Variants in DENND5B observed in about 807,000 individuals in gnomAD.
The protein encoded by DENND5B is DENN domain-containing protein 5B.
A neutral mutation model predicts 140.6 loss-of-function variants in DENND5B; 34 were observed. That is an observed-to-expected ratio of 0.24 (90% confidence interval 0.18 to 0.32). The LOEUF (loss-of-function observed/expected upper bound fraction) is 0.32, where lower values mean the gene tolerates loss of function less well. Ranked by LOEUF, DENND5B falls within the 10% of genes least tolerant of loss-of-function variation. DENND5B has a pLI of 1.00. For synonymous variants in DENND5B, 551 were observed against 562.1 expected, an observed-to-expected ratio of 0.98 and a Z score of 0.28; for missense variants, 1,142 against 1,560.2, an observed-to-expected ratio of 0.73 and a Z score of 4.52.
intron 3 of DENND5B, among the ~76,000 whole-genome samples, chr12:31,477,273 A>G (rs1055884649): frequency 3.3e-5 from 5 of 152,152 alleles, no homozygotes; most frequent in Non-Finnish European, 5.9e-5. Context: ...AAAACACCAT[A>G]AGGTATTAAG....
At chr12:31,511,066 T>C (rs1013718312) in intron 1 of DENND5B, among the ~76,000 whole-genome samples, 5 of 152,044 alleles carry the variant, frequency 3.3e-5, no homozygotes. Context: ...ACCCCATCTC[T>C]GCAAAAAAAT....
intron 15 of DENND5B, among the ~76,000 whole-genome samples, chr12:31,401,796 AT>A (rs922909923): frequency 6.6e-6 from 1 of 151,858 alleles, no homozygotes; most frequent in Admixed American, 6.6e-5. Context: ...TAATTTTTGT[AT>A]TTTTTGTAGA....
intron 5 of DENND5B, chr12:31,451,714 T>C (rs1476825737): frequency 1.9e-6 from 1 of 522,760 alleles, no homozygotes; most frequent in Non-Finnish European, 3.3e-6. Flanking sequence ...ACCAGTTCAA[T>C]GAGCTGGTTT....
At chr12:31,435,090 G>C (rs1471009237) in intron 7 of DENND5B, among the ~76,000 whole-genome samples, 1 of 151,752 alleles carries the variant, frequency 6.6e-6, no homozygotes, top group Non-Finnish European at 1.5e-5. Context: ...CTCCTTACCT[G>C]CCCACCAGAG....
chr12:31,436,644 C>G (rs1358294561), intron 7 of DENND5B, among the ~76,000 whole-genome samples: 1 of 152,054 alleles, frequency 6.6e-6, no homozygotes, highest in Non-Finnish European at 1.5e-5. Flanking sequence ...AAGCAATTCT[C>G]CTGCCTCAGC....
intron 1 of DENND5B, among the ~76,000 whole-genome samples, chr12:31,548,574 C>A (rs989015113): frequency 6.6e-6 from 1 of 152,098 alleles, no homozygotes; most frequent in Admixed American, 6.5e-5. Flanking sequence ...ATGTTTAGAT[C>A]ATACTCGTTT....
At chr12:31,429,710 G>T (rs1052176276) in intron 8 of DENND5B, among the ~76,000 whole-genome samples, 3 of 151,478 alleles carry the variant, frequency 2.0e-5, no homozygotes, top group African/African-American at 7.3e-5. Context: ...CGCCCTGCCT[G>T]GTTTTTTTTG....
At chr12:31,571,879 G>C (rs914549771) in intron 1 of DENND5B, among the ~76,000 whole-genome samples, 2 of 152,240 alleles carry the variant, frequency 1.3e-5, no homozygotes, top group African/African-American at 4.8e-5. Context: ...AAAGTGCTGG[G>C]ATTACAGGCG....
chr12:31,382,637 A>G lies in DENND5B; in HGVS notation c.*4966T>C, dbSNP rs1183328788. On this transcript the variant is annotated 3_prime_UTR_variant, in exon 21 of 21. Coordinates refer to ENST00000389082, the MANE Select transcript of DENND5B (RefSeq NM_144973.4). ...TTCACACACAAGTACATTCAGGTAA[A>G]TTAGAACAAATATGATTCCCTCCTA... 1 of 152,144 alleles carries G rather than the reference A, an allele frequency of 6.6e-6. No individual in the cohort carries two copies. The highest frequency in any genetic ancestry group is 6.5e-5 in the Admixed American group (1 of 15,270). 9.4% of individuals were successfully genotyped at this position (152,144 alleles called of 1,614,324 possible).
At chr12:31,554,797 C>A (rs1448899408) in intron 1 of DENND5B, among the ~76,000 whole-genome samples, 1 of 152,102 alleles carries the variant, frequency 6.6e-6, no homozygotes, top group African/African-American at 2.4e-5. Flanking sequence ...TCTCGCTTCA[C>A]TTCATTCATT....
At chr12:31,492,476 G>A (rs1317659039) in intron 2 of DENND5B, among the ~76,000 whole-genome samples, 1 of 152,176 alleles carries the variant, frequency 6.6e-6, no homozygotes, top group African/African-American at 2.4e-5. Flanking sequence ...GGGACCACAG[G>A]CATGGTGCCA....
At position 31,452,157 on chromosome 12, in the gene DENND5B, A is replaced by C; in HGVS notation, c.1412T>G (p.Met471Arg). The part of the protein sequence containing the change: ...AKRTGVAVEK[M>R]DLSASLGEKD... ...TTCACCCAGAGAAGCAGAGAGGTCC[A>C]TTTTTTCCACAGCCACACCAGTACG... is the stretch of plus-strand genomic sequence containing the variant. The change falls in exon 5 of 21, where the codon ATG becomes AGG. Residue 471 changes from methionine (M) to arginine (R), a missense_variant. By Grantham distance (91) the Met-to-Arg change is moderately conservative (BLOSUM62 -1). Around this residue, in one of 5 missense-constraint regions of DENND5B, gnomAD observed 708 missense variants for 905.5 expected, o/e 0.78. Transcript: ENST00000389082. 1 of 1,613,938 alleles carries C rather than the reference A, an allele frequency of 6.2e-7. No individual in the cohort carries two copies. The highest frequency in any genetic ancestry group is 1.3e-5 in the African/African-American group (1 of 75,028).
intron 1 of DENND5B, among the ~76,000 whole-genome samples, chr12:31,535,689 GTC>G (rs1948470242): frequency 1.3e-5 from 2 of 152,080 alleles, no homozygotes; most frequent in South Asian, 4.2e-4. Context: ...TAAAAAAAAA[GTC>G]TAGACTGCAA....
At chr12:31,456,855 G>T (rs759118803) in intron 4 of DENND5B, among the ~76,000 whole-genome samples, 4 of 152,166 alleles carry the variant, frequency 2.6e-5, no homozygotes, top group Non-Finnish European at 5.9e-5. Flanking sequence ...AAAGCCAGAG[G>T]ATCGCTTGAG....
chr12:31,451,091 T>C (rs1304193542), intron 5 of DENND5B, among the ~76,000 whole-genome samples: 1 of 152,180 alleles, frequency 6.6e-6, no homozygotes, highest in Non-Finnish European at 1.5e-5. Flanking sequence ...ATAGAGAAAT[T>C]TGGCTTCTGA....
Position 31,387,467 on chromosome 12 carries a change from G to T in DENND5B, c.*136C>A. Reference sequence around the variant, plus strand: ...TACAATACAACATTTTGCCTTGTCTGTAGAGTGAGGATTGTTCCAAATGGG... The same window carrying T: ...TACAATACAACATTTTGCCTTGTCTTTAGAGTGAGGATTGTTCCAAATGGG... On this transcript the variant is annotated 3_prime_UTR_variant, in exon 21 of 21. Transcript: ENST00000389082. The T allele has an allele frequency of 1.2e-6, 1 of 844,726 alleles. No homozygotes were observed. Among genetic ancestry groups the T allele is most frequent in the Non-Finnish European group, 1.8e-6 (1 of 550,474 alleles). 52.3% of individuals were successfully genotyped at this position (844,726 alleles called of 1,614,324 possible). A position where few individuals can be genotyped will look rare whatever the true frequency, so the allele number is the denominator to read the frequency against.
intron 1 of DENND5B, among the ~76,000 whole-genome samples, chr12:31,511,537 CTTT>C (rs59147620): frequency 4.8e-4 from 55 of 114,988 alleles, no homozygotes; most frequent in Middle Eastern, 5.4e-3. Flanking sequence ...AATATGATGT[CTTT>C]TTTTTTTTTT....
At chr12:31,450,313 A>G (rs930289807) in intron 5 of DENND5B, among the ~76,000 whole-genome samples, 4 of 152,340 alleles carry the variant, frequency 2.6e-5, no homozygotes, top group East Asian at 1.9e-4. Context: ...ACTGTTCAAC[A>G]TACAATATCA....
chr12:31,408,448 G>A (rs1942256985), intron 14 of DENND5B, among the ~76,000 whole-genome samples: 1 of 151,878 alleles, frequency 6.6e-6, no homozygotes, highest in African/African-American at 2.4e-5. Flanking sequence ...CCAACATGGT[G>A]AAACCCCATC....
Sources: allele counts gnomAD v4.1 joint callset (sites outside exome capture counted in the v4.1 genomes callset), GRCh38; gene constraint gnomAD v4.1.1; regional missense constraint gnomAD v4.1.1; transcripts MANE v1.5; gene names NCBI Gene and HGNC (gene_info 2026-07-23, HGNC 2026-07-21).